The following NR6A1 variants were observed in gnomAD, a reference collection of about 807,000 sequenced individuals.
NR6A1 encodes nuclear receptor subfamily 6 group A member 1.
A neutral mutation model predicts 59.1 loss-of-function variants in NR6A1; 7 were observed. The observed-to-expected ratio is 0.12, with a 90% CI of 0.07 to 0.22. NR6A1 has a LOEUF of 0.22. NR6A1 is among the 10% of genes least tolerant of loss of function. The pLI is 1.00. For missense variants in NR6A1, 468 were observed against 611.6 expected (o/e 0.77, Z 2.48); for synonymous variants, 243 against 236.1 (o/e 1.03, Z -0.27).
chr9:124,611,888 A>T (rs960633936), intron 2 of NR6A1, among the ~76,000 whole-genome samples: 5 of 152,078 alleles, frequency 3.3e-5, no homozygotes, highest in Non-Finnish European at 5.9e-5. Context: ...ATGAGTCAAG[A>T]TCTTATCCTT....
chr9:124,721,582 G>T (rs1839566602), intron 2 of NR6A1, among the ~76,000 whole-genome samples: 2 of 152,106 alleles, frequency 1.3e-5, no homozygotes, highest in Non-Finnish European at 2.9e-5. Context: ...GTTGCTTCAG[G>T]AAAGAACTCA....
At chr9:124,625,258 C>T (rs1039991834) in intron 2 of NR6A1, among the ~76,000 whole-genome samples, 2 of 152,200 alleles carry the variant, frequency 1.3e-5, no homozygotes, top group African/African-American at 4.8e-5. Flanking sequence ...TCTCTTTACT[C>T]TGGTAACCTC....
At chr9:124,543,269 C>T (rs990758303) in intron 4 of NR6A1, among the ~76,000 whole-genome samples, 5 of 152,144 alleles carry the variant, frequency 3.3e-5, no homozygotes, top group African/African-American at 1.2e-4. Flanking sequence ...CCCTGGGCAT[C>T]CTCTGTTACC....
chr9:124,562,758 G>A (rs1834117812), intron 2 of NR6A1, among the ~76,000 whole-genome samples: 2 of 152,180 alleles, frequency 1.3e-5, no homozygotes, highest in East Asian at 3.8e-4. Flanking sequence ...CAAATTCAAA[G>A]GAAGTAAAAT....
chr9:124,657,747 C>A (rs188625884), intron 2 of NR6A1, among the ~76,000 whole-genome samples: 13 of 152,048 alleles, frequency 8.5e-5, no homozygotes, highest in East Asian at 7.7e-4. Context: ...AGCTTCCCCC[C>A]CCCAGCAACC....
At chr9:124,562,098 T>C (rs1834100528) in intron 2 of NR6A1, among the ~76,000 whole-genome samples, 1 of 152,216 alleles carries the variant, frequency 6.6e-6, no homozygotes, top group South Asian at 2.1e-4. Context: ...TATAAAGTCA[T>C]GTCTTAAATT....
intron 2 of NR6A1, among the ~76,000 whole-genome samples, chr9:124,680,936 T>G (rs768592275): frequency 1.3e-5 from 2 of 152,378 alleles, no homozygotes; most frequent in South Asian, 2.1e-4. Flanking sequence ...GTCACCAAAA[T>G]GTACCAGTAG....
chr9:124,763,651 G>T (rs940972612), intron 1 of NR6A1, among the ~76,000 whole-genome samples: 1 of 152,180 alleles, frequency 6.6e-6, no homozygotes, highest in African/African-American at 2.4e-5. Context: ...AAAAGCAAGG[G>T]ATGAGGAAGG....
intron 6 of NR6A1, among the ~76,000 whole-genome samples, chr9:124,536,690 C>T (rs1332336536): frequency 1.3e-5 from 2 of 151,612 alleles, no homozygotes; most frequent in African/African-American, 4.8e-5. Context: ...GAAATGTGTC[C>T]AATTGTCAGG....
intron 7 of NR6A1, among the ~76,000 whole-genome samples, chr9:124,534,505 A>T (rs1047206899): frequency 3.3e-5 from 5 of 152,178 alleles, no homozygotes; most frequent in Non-Finnish European, 7.4e-5. Flanking sequence ...GTGTGCTTGG[A>T]CAGGCCCCAG....
At chr9:124,645,913 G>A (rs916343054) in intron 2 of NR6A1, among the ~76,000 whole-genome samples, 4 of 152,060 alleles carry the variant, frequency 2.6e-5, no homozygotes, top group African/African-American at 7.2e-5. Flanking sequence ...AATAGAAATC[G>A]TACAATGTTT....
At chr9:124,689,172 A>T (rs775091478) in intron 2 of NR6A1, among the ~76,000 whole-genome samples, 8 of 152,224 alleles carry the variant, frequency 5.3e-5, no homozygotes, top group Admixed American at 2.0e-4. Context: ...ATTTATTAAC[A>T]TAGAAATAAT....
intron 7 of NR6A1, among the ~76,000 whole-genome samples, chr9:124,528,065 C>T (rs1021911123): frequency 1.3e-5 from 2 of 152,230 alleles, no homozygotes; most frequent in Non-Finnish European, 1.5e-5. Flanking sequence ...GATCTGCGCA[C>T]TACAGGCCTG....
At chr9:124,535,781 T>C in intron 7 of NR6A1, 97 bp downstream of exon 7, 1 of 1,437,806 alleles carries the variant, frequency 7.0e-7, no homozygotes, top group East Asian at 2.3e-5. Flanking sequence ...GCCTATGAGG[T>C]GTAGTGCCTA....
At chr9:124,690,626 T>C (rs1344386720) in intron 2 of NR6A1, among the ~76,000 whole-genome samples, 1 of 152,112 alleles carries the variant, frequency 6.6e-6, no homozygotes, top group Non-Finnish European at 1.5e-5. Context: ...CCTCAAACTC[T>C]TGGGCTTAAG....
At chr9:124,579,496 A>AC (rs1301641146) in intron 2 of NR6A1, among the ~76,000 whole-genome samples, 1 of 152,162 alleles carries the variant, frequency 6.6e-6, no homozygotes, top group Non-Finnish European at 1.5e-5. Context: ...GGTTGAAGCT[A>AC]CAGTGAGTCA....
intron 2 of NR6A1, among the ~76,000 whole-genome samples, chr9:124,623,581 T>C (rs1836144061): frequency 6.6e-6 from 1 of 151,518 alleles, no homozygotes; most frequent in Admixed American, 6.6e-5. Context: ...AGGCTGGTCT[T>C]CTGGGCTCGT....
intron 2 of NR6A1, among the ~76,000 whole-genome samples, chr9:124,564,681 C>CTGTGTGTG (rs56301413): frequency 6.7e-6 from 1 of 149,278 alleles, no homozygotes; most frequent in African/African-American, 2.5e-5. Flanking sequence ...AATCCACACT[C>CTGTGTGTG]TGTGTGTGTG....
chr9:124,534,631 C>T (rs1366366269), intron 7 of NR6A1, among the ~76,000 whole-genome samples: 1 of 152,170 alleles, frequency 6.6e-6, no homozygotes, highest in Non-Finnish European at 1.5e-5. Context: ...TAGTCCTATC[C>T]TTTCAACATC....
Sources: allele counts gnomAD v4.1 joint callset (sites outside exome capture counted in the v4.1 genomes callset), GRCh38; gene constraint gnomAD v4.1.1; transcripts MANE v1.5; gene names NCBI Gene and HGNC (gene_info 2026-07-23, HGNC 2026-07-21).